SUSD5: variants seen among roughly 807,000 people sequenced by gnomAD.
SUSD5 encodes sushi domain containing 5, also known as sushi domain-containing protein 5.
SUSD5 carries 33 observed loss-of-function variants against 29.5 expected under a neutral mutation model. That is an observed-to-expected ratio of 1.12 (90% confidence interval 0.85 to 1.49). The LOEUF (loss-of-function observed/expected upper bound fraction) is 1.49, where lower values mean the gene tolerates loss of function less well. SUSD5 is among the 40% of genes most tolerant of loss of function. The probability of loss-of-function intolerance (pLI) is 0.00; values close to 1 mark genes in which losing one functional copy is unlikely to be tolerated. For missense variants in SUSD5, 776 were observed against 800.6 expected (o/e 0.97, Z 0.37); for synonymous variants, 308 against 325.3 (o/e 0.95, Z 0.57).
intron 3 of SUSD5, among the ~76,000 whole-genome samples, chr3:33,205,205 AT>A (rs2032195090): frequency 1.3e-5 from 2 of 152,184 alleles, no homozygotes; most frequent in South Asian, 4.1e-4. Flanking sequence ...CAATACTATT[AT>A]TTAATTCATA....
rs368081537 is a variant in SUSD5, at chr3:33,182,717, T to G, written c.410-7643A>C. On this transcript the variant is annotated intron_variant, in intron 3 of 4. Transcript: ENST00000309558. ...ACTTTTCTTGATCTGAAGTCTGCTC[T>G]ATCTAAAATGAGTATAGCTACTCCC... Among the ~76,000 whole-genome samples, 9 of 152,248 alleles carry G rather than the reference T, an allele frequency of 5.9e-5. No homozygotes were observed. In the East Asian group the frequency reaches 1.3e-3, roughly 23 times the overall value.
chr3:33,181,624 C>T (rs550032127), intron 3 of SUSD5, among the ~76,000 whole-genome samples: 74 of 152,238 alleles, frequency 4.9e-4, no homozygotes, highest in Non-Finnish European at 9.6e-4. Context: ...CCTCCCTTCT[C>T]AGCTTCCCAA....
At chr3:33,171,753 A>G (rs1036269335) in intron 4 of SUSD5, among the ~76,000 whole-genome samples, 1 of 152,174 alleles carries the variant, frequency 6.6e-6, no homozygotes, top group African/African-American at 2.4e-5. Context: ...AACCTCCTTC[A>G]CACAGTGAAG....
intron 3 of SUSD5, among the ~76,000 whole-genome samples, chr3:33,188,751 G>A (rs1457047161): frequency 6.6e-6 from 1 of 152,168 alleles, no homozygotes; most frequent in Non-Finnish European, 1.5e-5. Context: ...ATTGGAAAAG[G>A]ACTCCAGGGA....
chr3:33,179,255 T>C (rs2031617314), intron 3 of SUSD5, among the ~76,000 whole-genome samples: 1 of 152,260 alleles, frequency 6.6e-6, no homozygotes, highest in Admixed American at 6.5e-5. Flanking sequence ...TCTGTAGTGA[T>C]GTCCCCTCTT....
intron 3 of SUSD5, among the ~76,000 whole-genome samples, chr3:33,184,105 TTTTTTTGTA>T (rs2031733193): frequency 6.6e-6 from 1 of 151,282 alleles, no homozygotes; most frequent in Non-Finnish European, 1.5e-5. Context: ...ACCTGGCTAC[TTTTTTTGTA>T]TTTTTAGTAG....
At chr3:33,184,653 A>G (rs1381399181) in intron 3 of SUSD5, among the ~76,000 whole-genome samples, 2 of 151,164 alleles carry the variant, frequency 1.3e-5, no homozygotes, top group Admixed American at 6.6e-5. Context: ...GGAAGTTTCT[A>G]TTGCCATATC....
intron 1 of SUSD5, among the ~76,000 whole-genome samples, chr3:33,217,531 T>A (rs142460990): frequency 7.2e-5 from 11 of 152,340 alleles, no homozygotes; most frequent in African/African-American, 2.6e-4. Context: ...TAAAAATGTT[T>A]TGTCTCTAAC....
chr3:33,178,937 C>T (rs1346004573), intron 3 of SUSD5, among the ~76,000 whole-genome samples: 1 of 151,896 alleles, frequency 6.6e-6, no homozygotes, highest in African/African-American at 2.4e-5. Flanking sequence ...ATAATTTCTG[C>T]CTTAAATGTT....
intron 4 of SUSD5, among the ~76,000 whole-genome samples, chr3:33,165,187 G>T (rs2031279166): frequency 6.6e-6 from 1 of 152,102 alleles, no homozygotes; most frequent in Non-Finnish European, 1.5e-5. Context: ...CCAAAGCAAA[G>T]AAAAAGAGTG....
intron 2 of SUSD5, among the ~76,000 whole-genome samples, chr3:33,213,054 T>TTA (rs1410479729): frequency 2.6e-5 from 4 of 152,042 alleles, no homozygotes; most frequent in South Asian, 2.1e-4. Flanking sequence ...ACTTTGTACT[T>TTA]TATATATATA....
chr3:33,208,608 G>T (rs2032267675), intron 2 of SUSD5, among the ~76,000 whole-genome samples: 1 of 151,534 alleles, frequency 6.6e-6, no homozygotes, highest in African/African-American at 2.4e-5. Context: ...TCCCACTTTG[G>T]GTTATCTGAA....
intron 4 of SUSD5, among the ~76,000 whole-genome samples, chr3:33,158,388 C>T (rs1339767225): frequency 1.3e-5 from 2 of 152,164 alleles, no homozygotes; most frequent in Admixed American, 6.5e-5. Context: ...GTGAGCAAAT[C>T]GCTGCCACAG....
intron 4 of SUSD5, among the ~76,000 whole-genome samples, chr3:33,162,740 G>C (rs2125615957): frequency 6.6e-6 from 1 of 152,220 alleles, no homozygotes; most frequent in South Asian, 2.1e-4. Flanking sequence ...ATCACCTGAG[G>C]TCAGGAGTTT....
chr3:33,206,813 C>T (rs2032229758), intron 3 of SUSD5, among the ~76,000 whole-genome samples: 7 of 152,140 alleles, frequency 4.6e-5, no homozygotes, highest in Admixed American at 3.9e-4. Context: ...TCAACCTGGG[C>T]TGTACATTAA....
intron 3 of SUSD5, among the ~76,000 whole-genome samples, chr3:33,182,394 C>G (rs2031691069): frequency 6.6e-6 from 1 of 152,148 alleles, no homozygotes; most frequent in Non-Finnish European, 1.5e-5. Flanking sequence ...AATGTGTAAT[C>G]AGCTGTTGTT....
At chr3:33,182,615 A>G (rs2031694849) in intron 3 of SUSD5, among the ~76,000 whole-genome samples, 1 of 152,192 alleles carries the variant, frequency 6.6e-6, no homozygotes, top group Non-Finnish European at 1.5e-5. Context: ...TTAGGCACAT[A>G]TACATTAAAG....
intron 3 of SUSD5, among the ~76,000 whole-genome samples, chr3:33,191,993 C>T (rs557051900): frequency 3.3e-5 from 5 of 152,240 alleles, no homozygotes; most frequent in South Asian, 4.2e-4. Context: ...TTGCTTGTTT[C>T]CCTTCAGAAC....
rs574114426 is a variant in SUSD5, at chr3:33,215,057, T to C, written c.113-952A>G. Among the ~76,000 whole-genome samples the C allele has an allele frequency of 7.9e-5, 12 of 151,842 alleles. 1 individual carries two copies. In the East Asian group the frequency reaches 2.3e-3, roughly 29 times the overall value. On this transcript the variant is annotated intron_variant, in intron 1 of 4. Coordinates refer to ENST00000309558, the MANE Select transcript of SUSD5 (RefSeq NM_015551.2). ...ACTTGCAAAATTATTATAATAAATA[T>C]AATAATTCCACAGCTTTGGAACCAA...
Sources: gnomAD v4.1 joint callset for allele counts (sites outside exome capture counted in the v4.1 genomes callset) on GRCh38, gnomAD v4.1.1 for gene constraint, MANE v1.5 for transcripts, NCBI Gene and HGNC (gene_info 2026-07-23, HGNC 2026-07-21) for gene names.